SPOCK1: variants seen among roughly 807,000 people sequenced by gnomAD.
SPOCK1 encodes the protein SPARC (osteonectin), cwcv and kazal like domains proteoglycan 1, also known as testican-1.
SPOCK1 carries 23 observed loss-of-function variants against 55.3 expected under a neutral mutation model. That is an observed-to-expected ratio of 0.42 (90% CI 0.30 to 0.59). SPOCK1 has a LOEUF of 0.59. SPOCK1 is among the 20% of genes least tolerant of loss of function. SPOCK1 has a pLI of 0.22. For synonymous variants in SPOCK1, 226 were observed against 221.0 expected, an observed-to-expected ratio of 1.02 and a Z score of -0.20; for missense variants, 499 against 552.5, an observed-to-expected ratio of 0.90 and a Z score of 0.97.
intron 2 of SPOCK1, among the ~76,000 whole-genome samples, chr5:137,328,145 G>A (rs958819044): frequency 6.6e-6 from 1 of 152,200 alleles, no homozygotes; most frequent in African/African-American, 2.4e-5. Context: ...CAATAAATCT[G>A]TGCCAGTAAA....
At chr5:137,157,453 G>T (rs1278126815) in intron 3 of SPOCK1, among the ~76,000 whole-genome samples, 4 of 152,076 alleles carry the variant, frequency 2.6e-5, no homozygotes, top group Non-Finnish European at 4.4e-5. Flanking sequence ...TACTAGGTTG[G>T]ACCCTGCTTT....
intron 2 of SPOCK1, among the ~76,000 whole-genome samples, chr5:137,295,691 A>C (rs1343622282): frequency 6.7e-6 from 1 of 149,688 alleles, no homozygotes; most frequent in Non-Finnish European, 1.5e-5. Context: ...CACTTCACTG[A>C]CCAAGCAAGT....
intron 2 of SPOCK1, among the ~76,000 whole-genome samples, chr5:137,393,390 T>A (rs1368625371): frequency 6.6e-6 from 1 of 152,182 alleles, no homozygotes; most frequent in African/African-American, 2.4e-5. Context: ...ATGAGACACA[T>A]GGAGTTGACC....
In SPOCK1 at chr5:137,165,794, T is replaced by C. The variant is rs189971353; in HGVS notation, c.233-25100A>G. On this transcript the variant is annotated intron_variant, in intron 3 of 10. Transcript: ENST00000394945. ...ATACTAAAGAATGCATCAGAGTCTTTTAATAGCAGAATTGATCAAACAGAA... is the reference window on the plus strand; with the variant it reads ...ATACTAAAGAATGCATCAGAGTCTTCTAATAGCAGAATTGATCAAACAGAA... Among the ~76,000 whole-genome samples the C allele has an allele frequency of 8.5e-4, 130 of 152,250 alleles. 1 individual carries two copies. The highest frequency in any genetic ancestry group is 3.1e-3 in the African/African-American group (127 of 41,574).
intron 2 of SPOCK1, among the ~76,000 whole-genome samples, chr5:137,369,437 G>A (rs531717012): frequency 5.2e-4 from 78 of 150,820 alleles, no homozygotes; most frequent in South Asian, 1.2e-3. Flanking sequence ...AGATCCTCCT[G>A]AGGAGAACAT....
chr5:137,263,813 TACTCC>T (rs1756797356), intron 3 of SPOCK1, among the ~76,000 whole-genome samples: 1 of 152,188 alleles, frequency 6.6e-6, no homozygotes, highest in Non-Finnish European at 1.5e-5. Context: ...ATGGCCATTA[TACTCC>T]ACTGACAGAA....
chr5:137,121,453 A>G (rs1489654418), intron 4 of SPOCK1, among the ~76,000 whole-genome samples: 1 of 151,796 alleles, frequency 6.6e-6, no homozygotes, highest in Non-Finnish European at 1.5e-5. Context: ...AGTAAGAAGA[A>G]AATGAACTTG....
At chr5:137,392,370 T>C (rs1022955972) in intron 2 of SPOCK1, among the ~76,000 whole-genome samples, 1 of 152,222 alleles carries the variant, frequency 6.6e-6, no homozygotes, top group Non-Finnish European at 1.5e-5. Flanking sequence ...CCTTTCCTAA[T>C]TCTGTCCAAA....
intron 7 of SPOCK1, among the ~76,000 whole-genome samples, chr5:136,989,819 CATCATTAAGCATTAATGACAGCCTG>C (rs1046414801): frequency 1.3e-5 from 2 of 152,094 alleles, no homozygotes; most frequent in African/African-American, 4.8e-5. Context: ...GTCAGTTGCC[CATCATTAAGCATTAATGACAGCCTG>C]GTCATTAAGT....
intron 3 of SPOCK1, among the ~76,000 whole-genome samples, chr5:137,223,680 C>T (rs1236354042): frequency 6.6e-6 from 1 of 152,056 alleles, no homozygotes; most frequent in Non-Finnish European, 1.5e-5. Context: ...TGAGCAAAAA[C>T]ATGTTCTAAA....
chr5:137,408,984 G>A (rs546416975), intron 2 of SPOCK1, among the ~76,000 whole-genome samples: 1 of 152,244 alleles, frequency 6.6e-6, no homozygotes, highest in East Asian at 1.9e-4. Flanking sequence ...TTTCACGAAG[G>A]TCAGTCCCAT....
intron 2 of SPOCK1, among the ~76,000 whole-genome samples, chr5:137,450,219 C>A (rs1370917286): frequency 6.6e-6 from 1 of 152,156 alleles, no homozygotes; most frequent in Non-Finnish European, 1.5e-5. Flanking sequence ...CAATTGATGA[C>A]AACCATCAGA....
At chr5:137,247,523 CAT>C (rs1266342854) in intron 3 of SPOCK1, among the ~76,000 whole-genome samples, 1 of 152,190 alleles carries the variant, frequency 6.6e-6, no homozygotes, top group African/African-American at 2.4e-5. Flanking sequence ...GAAAACATAA[CAT>C]ATATCTCTTC....
At chr5:137,168,292 T>C (rs897003241) in intron 3 of SPOCK1, among the ~76,000 whole-genome samples, 6 of 152,088 alleles carry the variant, frequency 3.9e-5, no homozygotes, top group African/African-American at 7.2e-5. Context: ...CTCCAGGACA[T>C]TGGACTGAGC....
chr5:137,270,830 A>G (rs977423322), intron 2 of SPOCK1, among the ~76,000 whole-genome samples: 2 of 152,212 alleles, frequency 1.3e-5, no homozygotes, highest in East Asian at 1.9e-4. Flanking sequence ...TGGTGAAACC[A>G]TATCTCTACT....
chr5:137,449,169 C>T (rs902518626), intron 2 of SPOCK1, among the ~76,000 whole-genome samples: 2 of 152,228 alleles, frequency 1.3e-5, no homozygotes, highest in African/African-American at 4.8e-5. Context: ...TGGTCACAAT[C>T]GCAAAGTAGA....
rs539107508 is a variant in SPOCK1 at position 137,441,050 on chromosome 5, T to A, written c.186+57323A>T. On this transcript the variant is annotated intron_variant, in intron 2 of 10. Coordinates refer to ENST00000394945, the MANE Select transcript of SPOCK1 (RefSeq NM_004598.4). ...ATAATGACAACTAATGCTCGTTCAC[T>A]TGTCTGCAGGTGATTGAACATCCGT... 7.2e-5 allele frequency among the ~76,000 whole-genome samples: 11 copies of A among 152,350 alleles called. No homozygotes were observed. In the South Asian group the frequency reaches 2.3e-3, roughly 32 times the overall value.
intron 5 of SPOCK1, among the ~76,000 whole-genome samples, chr5:137,077,114 C>T (rs1456757113): frequency 3.3e-5 from 5 of 152,108 alleles, no homozygotes; most frequent in African/African-American, 1.2e-4. Context: ...TTAGTAGAGA[C>T]GGGGTTTCAC....
intron 3 of SPOCK1, among the ~76,000 whole-genome samples, chr5:137,166,423 G>A (rs1454632577): frequency 6.6e-6 from 1 of 151,124 alleles, no homozygotes; most frequent in Non-Finnish European, 1.5e-5. Flanking sequence ...GCTAAAGGGA[G>A]TACTTCAATT....
Sources: gnomAD v4.1 joint callset for allele counts (sites outside exome capture counted in the v4.1 genomes callset) on GRCh38, gnomAD v4.1.1 for gene constraint, MANE v1.5 for transcripts, NCBI Gene and HGNC (gene_info 2026-07-23, HGNC 2026-07-21) for gene names.